The following TNFSF4 variants were observed in gnomAD, a reference collection of about 807,000 sequenced individuals.
TNFSF4 encodes tumor necrosis factor ligand superfamily member 4.
A neutral mutation model predicts 7.3 loss-of-function variants in TNFSF4; 4 were observed. The observed-to-expected ratio is 0.55, with a 90% confidence interval of 0.27 to 1.25. The LOEUF (loss-of-function observed/expected upper bound fraction) is 1.25. Among genes scored for constraint, TNFSF4 ranks in the 50% most tolerant of loss-of-function variants. TNFSF4 has a pLI of 0.12. For missense variants in TNFSF4, 181 were observed against 208.8 expected (o/e 0.87, Z 0.82); for synonymous variants, 76 against 83.7 (o/e 0.91, Z 0.50).
chr1:173,432,915 T>G, the TNFSF4 span, among the ~76,000 whole-genome samples: 1 of 152,218 alleles, frequency 6.6e-6, no homozygotes, highest in African/African-American at 2.4e-5. Flanking sequence ...AAAGTGACAA[T>G]TGTTATGCTC....
the TNFSF4 span, among the ~76,000 whole-genome samples, chr1:173,379,112 T>A: frequency 6.6e-6 from 1 of 152,102 alleles, no homozygotes; most frequent in African/African-American, 2.4e-5. Context: ...ACCCTGGCCT[T>A]TAATGAAAAG....
At chr1:173,175,886 T>C in the TNFSF4 span, among the ~76,000 whole-genome samples, 3 of 152,188 alleles carry the variant, frequency 2.0e-5, no homozygotes, top group African/African-American at 7.2e-5. Flanking sequence ...CCATTTTCAA[T>C]TGACACTAAA....
chr1:173,416,638 T>TATTTATTTATTTATTTATTTGAGA, the TNFSF4 span, among the ~76,000 whole-genome samples: 2 of 110,140 alleles, frequency 1.8e-5, no homozygotes, highest in East Asian at 3.1e-4. Flanking sequence ...ATTTATTTTT[T>TATTTATTTATTTATTTATTTGAGA]GAGAGAGAGA....
chr1:173,374,773 C>T, the TNFSF4 span, among the ~76,000 whole-genome samples: 1 of 152,252 alleles, frequency 6.6e-6, no homozygotes, highest in Non-Finnish European at 1.5e-5. Flanking sequence ...TGGCTCCTGC[C>T]AGGATAAAAA....
chr1:173,288,921 G>A, the TNFSF4 span, among the ~76,000 whole-genome samples: 1 of 152,034 alleles, frequency 6.6e-6, no homozygotes, highest in Admixed American at 6.6e-5. Flanking sequence ...ATTGTACACA[G>A]TATGTAAATG....
chr1:173,446,403 T>C, the TNFSF4 span, among the ~76,000 whole-genome samples: 3 of 152,236 alleles, frequency 2.0e-5, no homozygotes, highest in Admixed American at 6.5e-5. Context: ...ATAGTGACTT[T>C]ATTCATAACT....
At chr1:173,221,524 C>G in the TNFSF4 span, among the ~76,000 whole-genome samples, 148 of 152,210 alleles carry the variant, frequency 9.7e-4, no homozygotes, top group Admixed American at 2.2e-3. Flanking sequence ...GGATTAGATA[C>G]GGTAAGTAAT....
the TNFSF4 span, among the ~76,000 whole-genome samples, chr1:173,254,253 A>C: frequency 6.6e-6 from 1 of 152,208 alleles, no homozygotes. Context: ...ACAATTCATT[A>C]ATCAGGTCAG....
At chr1:173,448,857 G>A in the TNFSF4 span, among the ~76,000 whole-genome samples, 3 of 152,176 alleles carry the variant, frequency 2.0e-5, no homozygotes, top group Non-Finnish European at 4.4e-5. Flanking sequence ...TGGGCTCAGA[G>A]GCCTGACAAT....
the TNFSF4 span, among the ~76,000 whole-genome samples, chr1:173,320,326 CAT>C: frequency 4.6e-5 from 7 of 152,136 alleles, no homozygotes; most frequent in African/African-American, 1.7e-4. Context: ...ATTGATGAAA[CAT>C]ATCTCAAAAT....
chr1:173,246,200 C>T, the TNFSF4 span, among the ~76,000 whole-genome samples: 1 of 152,086 alleles, frequency 6.6e-6, no homozygotes, highest in Non-Finnish European at 1.5e-5. Flanking sequence ...GCAGAATGTG[C>T]AGGTTTGTTA....
chr1:173,386,610 A>C, the TNFSF4 span, among the ~76,000 whole-genome samples: 2 of 152,144 alleles, frequency 1.3e-5, no homozygotes, highest in Non-Finnish European at 2.9e-5. Context: ...GAGAGCCCCC[A>C]CTGGGGTAAT....
the TNFSF4 span, among the ~76,000 whole-genome samples, chr1:173,383,408 A>G: frequency 2.0e-5 from 3 of 152,208 alleles, no homozygotes; most frequent in African/African-American, 4.8e-5. Context: ...ATCCATTAAC[A>G]TTTTTAAAAT....
At chr1:173,173,100 A>T in the TNFSF4 span, among the ~76,000 whole-genome samples, 1 of 151,920 alleles carries the variant, frequency 6.6e-6, no homozygotes, top group African/African-American at 2.4e-5. Flanking sequence ...TGATCTAATC[A>T]CCTCCCATGA....
chr1:173,259,940 T>G, the TNFSF4 span, among the ~76,000 whole-genome samples: 1 of 152,154 alleles, frequency 6.6e-6, no homozygotes, highest in East Asian at 1.9e-4. Context: ...CGTAAGAACT[T>G]CCCCAACCTA....
At chr1:173,278,898 TG>T in the TNFSF4 span, among the ~76,000 whole-genome samples, 1 of 152,172 alleles carries the variant, frequency 6.6e-6, no homozygotes, top group South Asian at 2.1e-4. Flanking sequence ...TGCACACAAA[TG>T]GGTCAAATTG....
the TNFSF4 span, among the ~76,000 whole-genome samples, chr1:173,238,485 G>A: frequency 6.6e-6 from 1 of 152,016 alleles, no homozygotes; most frequent in Non-Finnish European, 1.5e-5. Flanking sequence ...CAGAATGGGA[G>A]ATAAATATCT....
At chr1:173,215,873 TA>T in the TNFSF4 span, among the ~76,000 whole-genome samples, 3 of 152,134 alleles carry the variant, frequency 2.0e-5, no homozygotes, top group Non-Finnish European at 4.4e-5. Flanking sequence ...GTCTTACAAA[TA>T]GAAGGTGCAC....
At chr1:173,439,839 A>G in the TNFSF4 span, among the ~76,000 whole-genome samples, 1 of 152,268 alleles carries the variant, frequency 6.6e-6, no homozygotes, top group South Asian at 2.1e-4. Flanking sequence ...CAAAATTCAG[A>G]GGCTTGGGGG....
Sources: gnomAD v4.1 joint callset for allele counts (sites outside exome capture counted in the v4.1 genomes callset) on GRCh38, gnomAD v4.1.1 for gene constraint, MANE v1.5 for transcripts, NCBI Gene and HGNC (gene_info 2026-07-23, HGNC 2026-07-21) for gene names.